Variants in PAK1 observed in about 807,000 individuals in gnomAD.
PAK1 encodes the protein serine/threonine-protein kinase PAK 1.
In PAK1, 29 loss-of-function variants were observed where a neutral mutation model predicts 67.4. That is an observed-to-expected ratio of 0.43 (90% CI 0.32 to 0.59). The LOEUF is 0.59. Among genes scored for constraint, PAK1 ranks in the 20% least tolerant of loss-of-function variants. The pLI is 0.07. For synonymous variants in PAK1, 223 were observed against 237.4 expected, an observed-to-expected ratio of 0.94 and a Z score of 0.56; for missense variants, 337 against 670.7, an observed-to-expected ratio of 0.50 and a Z score of 5.50.
At chr11:77,344,090 C>T in intron 9 of PAK1, 159 bp from the exon 10 acceptor site, 1 of 570,308 alleles carries the variant, frequency 1.8e-6, no homozygotes, top group Non-Finnish European at 3.1e-6. Flanking sequence ...CAGTGGTCTT[C>T]AAAGTGAGGT....
At chr11:77,488,867 G>C in the PAK1 span, among the ~76,000 whole-genome samples, 1 of 152,096 alleles carries the variant, frequency 6.6e-6, no homozygotes, top group African/African-American at 2.4e-5. Context: ...AGAGAGATCT[G>C]GGTAAAAAGT....
chr11:77,397,816 GC>G (rs773039789), intron 1 of PAK1, among the ~76,000 whole-genome samples: 1 of 152,186 alleles, frequency 6.6e-6, no homozygotes, highest in Non-Finnish European at 1.5e-5. Context: ...CAACCTGACT[GC>G]CTAATGTTAC....
intron 5 of PAK1, among the ~76,000 whole-genome samples, chr11:77,371,873 T>C (rs149497719): frequency 6.6e-6 from 1 of 152,346 alleles, no homozygotes; most frequent in East Asian, 1.9e-4. Flanking sequence ...CCCAGGGCTC[T>C]TCCTCCTCAA....
the PAK1 span, among the ~76,000 whole-genome samples, chr11:77,490,296 C>G: frequency 6.7e-6 from 1 of 149,144 alleles, no homozygotes; most frequent in Non-Finnish European, 1.5e-5. Flanking sequence ...GTCAGCCCCC[C>G]CACCCGGCCA....
the PAK1 span, among the ~76,000 whole-genome samples, chr11:77,482,840 A>C: frequency 6.6e-6 from 1 of 152,110 alleles, no homozygotes; most frequent in South Asian, 2.1e-4. Context: ...CCTAGGCACA[A>C]GCGATCCTCC....
chr11:77,442,113 A>G (rs1179072838), intron 1 of PAK1, among the ~76,000 whole-genome samples: 4 of 152,210 alleles, frequency 2.6e-5, no homozygotes, highest in African/African-American at 9.6e-5. Flanking sequence ...ATGGAATAGA[A>G]TCTTAACCTG....
At position 77,355,753 on chromosome 11, in the gene PAK1, G is replaced by C. The variant is rs745756113; in HGVS notation, c.687C>G (p.Thr229=). The C allele has an allele frequency of 6.2e-7, 1 of 1,612,632 alleles. No homozygotes were observed. Among genetic ancestry groups the C allele is most frequent in the Non-Finnish European group, 8.5e-7 (1 of 1,178,810 alleles). Reference sequence around the variant, plus strand: ...TCCGGGTCAAAGCATCTGGTGGAGTGGTGTTATTTTCAGTAGGTGAAATGG... The same window carrying C: ...TCCGGGTCAAAGCATCTGGTGGAGTCGTGTTATTTTCAGTAGGTGAAATGG... ...TSPISPTENN[T]TPPDALTRNT... is the part of the protein sequence containing the mutation. The change falls in exon 7 of 15, where the codon ACC becomes ACG. Residue 229 remains threonine (T), a synonymous_variant. Transcript: ENST00000356341.
intron 1 of PAK1, among the ~76,000 whole-genome samples, chr11:77,472,061 G>A (rs757255283): frequency 1.3e-4 from 20 of 152,124 alleles, no homozygotes; most frequent in Non-Finnish European, 2.5e-4. Flanking sequence ...ATTAGACTTT[G>A]AGCTCTTTGA....
chr11:77,402,083 CCTA>C (rs1565671363), intron 1 of PAK1, among the ~76,000 whole-genome samples: 1 of 152,010 alleles, frequency 6.6e-6, no homozygotes, highest in Non-Finnish European at 1.5e-5. Flanking sequence ...GAACCTGGAA[CCTA>C]TAGGGTTATG....
chr11:77,425,061 G>C (rs992717093), intron 1 of PAK1, among the ~76,000 whole-genome samples: 1 of 152,222 alleles, frequency 6.6e-6, no homozygotes, highest in Admixed American at 6.5e-5. Flanking sequence ...TATTCCCCAG[G>C]ATACATACTT....
At chr11:77,392,605 T>TA in intron 1 of PAK1, 64 bp from the exon 2 acceptor site, 2 of 1,341,538 alleles carry the variant, frequency 1.5e-6, no homozygotes, top group Non-Finnish European at 2.0e-6. Flanking sequence ...AAATACATGT[T>TA]AAAAAATTGC....
At chr11:77,349,140 A>G in intron 9 of PAK1, 99 bp downstream of exon 9, 1 of 853,886 alleles carries the variant, frequency 1.2e-6, no homozygotes, top group Non-Finnish European at 1.8e-6. Flanking sequence ...AAAAAAAAAA[A>G]ACCTAGAACT....
At chr11:77,487,054 TGAGGA>T in the PAK1 span, among the ~76,000 whole-genome samples, 11 of 152,088 alleles carry the variant, frequency 7.2e-5, no homozygotes, top group Non-Finnish European at 1.0e-4. Flanking sequence ...TCCTTCCACC[TGAGGA>T]GAGGAGAGGG....
chr11:77,515,927 C>A, the PAK1 span, among the ~76,000 whole-genome samples: 3 of 152,112 alleles, frequency 2.0e-5, no homozygotes, highest in African/African-American at 7.2e-5. Flanking sequence ...GGCAGCCAAT[C>A]ATAAGCATCC....
At chr11:77,430,503 T>C (rs1240711838) in intron 1 of PAK1, among the ~76,000 whole-genome samples, 2 of 152,232 alleles carry the variant, frequency 1.3e-5, no homozygotes, top group Non-Finnish European at 2.9e-5. Context: ...GGACAAGCTG[T>C]AGCTGTCAAC....
chr11:77,500,482 A>T, the PAK1 span, among the ~76,000 whole-genome samples: 5 of 152,178 alleles, frequency 3.3e-5, no homozygotes, highest in Non-Finnish European at 5.9e-5. Flanking sequence ...AAGAAAAAAA[A>T]GTCGAAACAT....
At chr11:77,461,236 A>C (rs1163351465) in intron 1 of PAK1, among the ~76,000 whole-genome samples, 1 of 152,192 alleles carries the variant, frequency 6.6e-6, no homozygotes, top group African/African-American at 2.4e-5. Context: ...GGAAAAGAAA[A>C]ACCTAAAAAC....
chr11:77,399,698 A>G (rs1417323856), intron 1 of PAK1, among the ~76,000 whole-genome samples: 1 of 150,824 alleles, frequency 6.6e-6, no homozygotes, highest in Non-Finnish European at 1.5e-5. Context: ...TCTCTACTAA[A>G]AATACAAAAA....
chr11:77,523,665 G>C, the PAK1 span, among the ~76,000 whole-genome samples: 1 of 152,042 alleles, frequency 6.6e-6, no homozygotes, highest in Non-Finnish European at 1.5e-5. Flanking sequence ...TGATCCTCCC[G>C]CCTTGACCTC....
Sources: gnomAD v4.1 joint callset for allele counts (sites outside exome capture counted in the v4.1 genomes callset) on GRCh38, gnomAD v4.1.1 for gene constraint, MANE v1.5 for transcripts, NCBI Gene and HGNC (gene_info 2026-07-23, HGNC 2026-07-21) for gene names.